Variants in FAM135A observed in about 807,000 individuals in gnomAD.
FAM135A encodes the protein protein FAM135A.
Under a neutral mutation model 146.8 loss-of-function variants are expected in FAM135A, and 79 were observed. The ratio of observed to expected loss-of-function variants is 0.54; its 90% CI spans 0.45 to 0.65. The LOEUF is 0.65. FAM135A is among the 30% of genes least tolerant of loss of function. The pLI is 0.00. For synonymous variants in FAM135A, 562 were observed against 603.6 expected (o/e 0.93, Z 1.01); for missense variants, 1,623 against 1,758.2 (o/e 0.92, Z 1.38).
chr6:70,436,685 C>T (rs1356439502), intron 4 of FAM135A, among the ~76,000 whole-genome samples: 1 of 151,950 alleles, frequency 6.6e-6, no homozygotes, highest in Non-Finnish European at 1.5e-5. Flanking sequence ...AAACTGGAAA[C>T]TCATTTTGTT....
At position 70,525,504 on chromosome 6, in the gene FAM135A, T is replaced by G; in HGVS notation, c.2420T>G (p.Leu807Arg). 2 of 1,612,474 alleles carry G rather than the reference T, an allele frequency of 1.2e-6. No individual in the cohort carries two copies. The highest frequency in any genetic ancestry group is 1.7e-6 in the Non-Finnish European group (2 of 1,179,294). ...AATAGTGAAAGATTATTTCCTCAGCTTTTGATGAAACCTGATTATAATGTA... is the reference window on the plus strand; with the variant it reads ...AATAGTGAAAGATTATTTCCTCAGCGTTTGATGAAACCTGATTATAATGTA... Reference protein sequence around the residue: ...PCNSERLFPQLLMKPDYNVKF... With the variant: ...PCNSERLFPQRLMKPDYNVKF... The change falls in exon 15 of 22, where the codon CTT (leucine) becomes CGT (arginine). Residue 807 changes from leucine (L) to arginine (R), a missense_variant. This residue lies in a region of FAM135A where 1,061 missense variants were observed against 1,113.8 expected (regional missense o/e 0.95). Coordinates refer to ENST00000418814, the MANE Select transcript of FAM135A (RefSeq NM_001162529.3).
At chr6:70,495,422 A>C (rs1308190280) in intron 11 of FAM135A, among the ~76,000 whole-genome samples, 1 of 152,126 alleles carries the variant, frequency 6.6e-6, no homozygotes, top group African/African-American at 2.4e-5. Context: ...CATGATCATA[A>C]TTCCTCCCCT....
intron 12 of FAM135A, among the ~76,000 whole-genome samples, chr6:70,508,616 G>A (rs149035139): frequency 6.6e-6 from 1 of 152,126 alleles, no homozygotes; most frequent in African/African-American, 2.4e-5. Flanking sequence ...CTTTTGTTAG[G>A]GTTAGTGGAG....
chr6:70,513,721 T>C (rs1022815328), intron 12 of FAM135A, among the ~76,000 whole-genome samples: 2 of 152,116 alleles, frequency 1.3e-5, no homozygotes, highest in Admixed American at 1.3e-4. Flanking sequence ...ATTGCTTTGC[T>C]AAATTTTTTA....
At chr6:70,477,536 G>A (rs941036399) in intron 8 of FAM135A, among the ~76,000 whole-genome samples, 1 of 152,048 alleles carries the variant, frequency 6.6e-6, no homozygotes, top group Non-Finnish European at 1.5e-5. Context: ...GGGGGAGCAG[G>A]CATCTCACAT....
intron 1 of FAM135A, 188 bp downstream of exon 1, chr6:70,413,890 C>G: frequency 2.0e-6 from 2 of 985,218 alleles, no homozygotes; most frequent in Non-Finnish European, 2.4e-6. Context: ...TCGGTGGGGA[C>G]GGCGGTGCGG....
chr6:70,560,881 T>G lies in FAM135A; in HGVS notation c.*960T>G, dbSNP rs1801772466. 6.6e-6 allele frequency: 1 copy of G among 152,568 alleles called. No homozygotes were observed. Among genetic ancestry groups the G allele is most frequent in the Admixed American group, 6.5e-5 (1 of 15,274 alleles). 9.5% of individuals were successfully genotyped at this position (152,568 alleles called of 1,614,324 possible). A position where few individuals can be genotyped will look rare whatever the true frequency, so the allele number is the denominator to read the frequency against. ...TTAAAGATGGAACAAAATAATTAAC[T>G]TTACATGTTTGGTGATACAGATGCA... On this transcript the variant is annotated 3_prime_UTR_variant, in exon 22 of 22. Coordinates refer to ENST00000418814, the MANE Select transcript of FAM135A (RefSeq NM_001162529.3).
intron 12 of FAM135A, among the ~76,000 whole-genome samples, chr6:70,506,433 T>C (rs1329918571): frequency 3.9e-5 from 6 of 152,152 alleles, no homozygotes; most frequent in Admixed American, 3.9e-4. Context: ...TCTAAACTAC[T>C]CAACTCTGTT....
Position 70,464,658 on chromosome 6 carries a change from C to CTTTTTTTTTTTTTTTTTT in FAM135A, c.158-10744_158-10743insTTTTTTTTTTTTTTTTTT, listed in dbSNP as rs754818109. Among the ~76,000 whole-genome samples the CTTTTTTTTTTTTTTTTTT allele has an allele frequency of 5.1e-4, 51 of 100,414 alleles. 4 individuals are homozygous for CTTTTTTTTTTTTTTTTTT. The highest frequency in any genetic ancestry group is 1.8e-3 in the African/African-American group (47 of 26,678). The allele number at this position is 100,414 out of a possible 152,430, so 65.9% of individuals were successfully genotyped here. A position where few individuals can be genotyped will look rare whatever the true frequency, so the allele number is the denominator to read the frequency against. ...TTTAAATTTCTTTCTTTCTTTCTTT[C>CTTTTTTTTTTTTTTTTTT]TTTTTTTTCTTTTTTTTTTTTTTTT... On this transcript the variant is annotated intron_variant, in intron 5 of 21. Transcript: ENST00000418814.
chr6:70,533,814 C>A lies in FAM135A; in HGVS notation c.3925C>A (p.Gln1309Lys). ...TGATCGTCTTTTGGATGAGATAATA[C>A]AGTATATTCAGATATATAGTCTAAC... is the stretch of plus-strand genomic sequence containing the variant. ...MTDRLLDEII[Q>K]YIQIYSLTVS... The change falls in exon 18 of 22, where the codon CAG becomes AAG. Residue 1309 changes from glutamine to lysine, a missense_variant. Gln to Lys is a moderately conservative substitution (Grantham distance 53, BLOSUM62 1). Around this residue, in one of 7 missense-constraint regions of FAM135A, gnomAD observed 1,061 missense variants for 1,113.8 expected, o/e 0.95. Coordinates refer to ENST00000418814, the MANE Select transcript of FAM135A (RefSeq NM_001162529.3). 6.4e-7 allele frequency: 1 copy of A among 1,574,600 alleles called. No individual in the cohort carries two copies. Among genetic ancestry groups the A allele is most frequent in the Non-Finnish European group, 8.6e-7 (1 of 1,163,964 alleles).
At chr6:70,483,292 A>G (rs529540886) in intron 10 of FAM135A, among the ~76,000 whole-genome samples, 1 of 152,320 alleles carries the variant, frequency 6.6e-6, no homozygotes, top group South Asian at 2.1e-4. Flanking sequence ...ATATCACTAA[A>G]TTGACTGTTT....
chr6:70,559,473 A>G (rs2128522281), intron 21 of FAM135A, among the ~76,000 whole-genome samples: 1 of 152,248 alleles, frequency 6.6e-6, no homozygotes, highest in Non-Finnish European at 1.5e-5. Flanking sequence ...TCAAATTTCA[A>G]GAATAATGTA....
intron 20 of FAM135A, among the ~76,000 whole-genome samples, chr6:70,539,225 G>A (rs1582842693): frequency 6.6e-6 from 1 of 152,236 alleles, no homozygotes; most frequent in East Asian, 1.9e-4. Context: ...AGACGTAACT[G>A]AAACAGATTT....
chr6:70,547,668 T>C (rs923945807), intron 20 of FAM135A, among the ~76,000 whole-genome samples: 2 of 152,200 alleles, frequency 1.3e-5, no homozygotes, highest in African/African-American at 4.8e-5. Flanking sequence ...TCAAAGTGAA[T>C]TGCATTAAAA....
chr6:70,484,605 G>A (rs1177432559), intron 10 of FAM135A, among the ~76,000 whole-genome samples: 1 of 152,122 alleles, frequency 6.6e-6, no homozygotes, highest in Non-Finnish European at 1.5e-5. Context: ...CAGATCATGA[G>A]GCATTAGTTA....
Position 70,502,660 on chromosome 6 carries a change from G to A in FAM135A, c.898G>A (p.Ala300Thr), listed in dbSNP as rs1412613790. The A allele has an allele frequency of 6.2e-7, 1 of 1,610,734 alleles. No homozygotes were observed. The highest frequency in any genetic ancestry group is 2.2e-5 in the East Asian group (1 of 44,746). The part of the protein sequence containing the change: ...VKKIENPDEL[A>T]ELINMNLAQL... ...GAAAATAGAGAATCCTGATGAACTG[G>A]CAGAACTTATAAATATGAATCTTGC... Residue 300 changes from alanine to threonine, a missense_variant, in exon 12 of 22, where the codon GCA (alanine) becomes ACA (threonine). Physicochemically the swap from Ala to Thr is moderately conservative, Grantham distance 58. Coordinates refer to ENST00000418814, the MANE Select transcript of FAM135A (RefSeq NM_001162529.3).
At chr6:70,512,820 T>C (rs1232946417) in intron 12 of FAM135A, among the ~76,000 whole-genome samples, 2 of 151,956 alleles carry the variant, frequency 1.3e-5, no homozygotes, top group East Asian at 3.9e-4. Flanking sequence ...TTTTCTTTTA[T>C]GTTTAGTACT....
chr6:70,488,127 G>T (rs1785078492), intron 10 of FAM135A, among the ~76,000 whole-genome samples: 1 of 152,088 alleles, frequency 6.6e-6, no homozygotes, highest in African/African-American at 2.4e-5. Context: ...TAAAGATACA[G>T]GTACAAGCAT....
At chr6:70,418,312 TATTTA>T (rs1252049871) in intron 2 of FAM135A, 5 of 152,200 alleles carry the variant, frequency 3.3e-5, no homozygotes, top group African/African-American at 9.7e-5. Context: ...TTGGTCATTT[TATTTA>T]ATTTATTTGT....
Sources: gnomAD v4.1 joint callset for allele counts (sites outside exome capture counted in the v4.1 genomes callset) on GRCh38, gnomAD v4.1.1 for gene constraint, gnomAD v4.1.1 regional missense constraint, MANE v1.5 for transcripts, NCBI Gene and HGNC (gene_info 2026-07-23, HGNC 2026-07-21) for gene names.